Variants in PCP4 observed in about 807,000 individuals in gnomAD.
PCP4 encodes the protein calmodulin regulator protein PCP4.
In PCP4, 8 loss-of-function variants were observed where a neutral mutation model predicts 10.0. That is an observed-to-expected ratio of 0.80 (90% CI 0.47 to 1.45). PCP4 has a LOEUF of 1.45. PCP4 is among the 40% of genes most tolerant of loss of function. PCP4 has a pLI of 0.00. For synonymous variants in PCP4, 21 were observed against 23.0 expected, an observed-to-expected ratio of 0.91 and a Z score of 0.24; for missense variants, 54 against 74.4, an observed-to-expected ratio of 0.73 and a Z score of 1.01.
chr21:39,911,832 A>G (rs2087541467), intron 2 of PCP4, among the ~76,000 whole-genome samples: 1 of 152,252 alleles, frequency 6.6e-6, no homozygotes, highest in African/African-American at 2.4e-5. Flanking sequence ...AGAAGGAGAT[A>G]GGGTTTTAGA....
In PCP4 at chr21:39,870,910, C is replaced by T. The variant is rs186468343; in HGVS notation, c.9+3400C>T. 1.7e-3 allele frequency among the ~76,000 whole-genome samples: 257 copies of T among 152,288 alleles called. 2 individuals are homozygous for T. The highest frequency in any genetic ancestry group is 2.1e-3 in the Non-Finnish European group (141 of 68,020). ...GTACAAGGGCTGTGGCTCTTTCTTT[C>T]GTCTAGACATTGGCCGCAGGGCAAG... On this transcript the variant is annotated intron_variant, in intron 1 of 2. Coordinates refer to ENST00000328619, the MANE Select transcript of PCP4 (RefSeq NM_006198.3).
At chr21:39,892,352 T>G (rs1490238517) in intron 1 of PCP4, among the ~76,000 whole-genome samples, 1 of 152,252 alleles carries the variant, frequency 6.6e-6, no homozygotes, top group Admixed American at 6.5e-5. Context: ...TAATTTGTAT[T>G]ATGACTATCC....
rs1375345277 is a variant in PCP4, at chr21:39,906,029, G to A, written c.61+7502G>A. On this transcript the variant is annotated intron_variant, in intron 2 of 2. Transcript: ENST00000328619. The surrounding 1 kb of genome is among the most constrained non-coding windows in gnomAD (Gnocchi z 6.3). Reference sequence around the variant, plus strand: ...CATGCCACTGCACTCCAACCTGGGTGACAGAGCGAGACTCCGTCTCAAAAT... The same window carrying A: ...CATGCCACTGCACTCCAACCTGGGTAACAGAGCGAGACTCCGTCTCAAAAT... Among the ~76,000 whole-genome samples the A allele has an allele frequency of 1.3e-5, 2 of 152,202 alleles. No homozygotes were observed. The highest frequency in any genetic ancestry group is 2.9e-5 in the Non-Finnish European group (2 of 68,046).
intron 1 of PCP4, among the ~76,000 whole-genome samples, chr21:39,875,453 C>T (rs1371992766): frequency 6.6e-6 from 1 of 152,170 alleles, no homozygotes; most frequent in Non-Finnish European, 1.5e-5. Context: ...CCTTCCTTTA[C>T]AGATCATAAC....
intron 1 of PCP4, among the ~76,000 whole-genome samples, chr21:39,868,366 T>C (rs561744464): frequency 6.6e-6 from 1 of 152,350 alleles, no homozygotes; most frequent in East Asian, 1.9e-4. Flanking sequence ...GATGATTCTT[T>C]TCTTGGAAGT....
chr21:39,907,307 G>A (rs2087516650), intron 2 of PCP4, among the ~76,000 whole-genome samples: 1 of 152,020 alleles, frequency 6.6e-6, no homozygotes, highest in African/African-American at 2.4e-5. Context: ...ACATGCTTCG[G>A]ACCCCGGGCA....
chr21:39,887,293 T>C (rs1235881104), intron 1 of PCP4, among the ~76,000 whole-genome samples: 1 of 152,058 alleles, frequency 6.6e-6, no homozygotes, highest in African/African-American at 2.4e-5. Context: ...ATTAGAAAGG[T>C]TAATGCCTTT....
intron 1 of PCP4, among the ~76,000 whole-genome samples, chr21:39,897,088 C>T (rs1265363344): frequency 4.6e-5 from 7 of 152,064 alleles, no homozygotes; most frequent in Non-Finnish European, 1.0e-4. Flanking sequence ...TCATTTTCTT[C>T]ATCTGAAAGT....
chr21:39,910,357 A>T (rs1170341391), intron 2 of PCP4, among the ~76,000 whole-genome samples: 2 of 152,014 alleles, frequency 1.3e-5, no homozygotes, highest in African/African-American at 4.8e-5. Context: ...TGGGACCATG[A>T]TCCTCCTCTC....
chr21:39,886,620 G>T (rs1187455446), intron 1 of PCP4, among the ~76,000 whole-genome samples: 5 of 152,058 alleles, frequency 3.3e-5, no homozygotes, highest in Non-Finnish European at 5.9e-5. Flanking sequence ...ATAAACAAGT[G>T]ACAAGTATGA....
At chr21:39,870,305 A>G (rs2087313655) in intron 1 of PCP4, among the ~76,000 whole-genome samples, 1 of 152,220 alleles carries the variant, frequency 6.6e-6, no homozygotes, top group Non-Finnish European at 1.5e-5. Context: ...AATGTGAGAG[A>G]GAGGAGGTGG....
chr21:39,904,051 CAT>C (rs1310599762), intron 2 of PCP4, among the ~76,000 whole-genome samples: 21 of 152,238 alleles, frequency 1.4e-4, no homozygotes, highest in African/African-American at 4.1e-4. Context: ...AACACACACA[CAT>C]GTACACACAC....
At chr21:39,896,488 A>G (rs573582916) in intron 1 of PCP4, among the ~76,000 whole-genome samples, 1 of 152,338 alleles carries the variant, frequency 6.6e-6, no homozygotes, top group African/African-American at 2.4e-5. Flanking sequence ...AAGGACAGAC[A>G]AAAAGAAGCA....
intron 2 of PCP4, chr21:39,916,294 A>G (rs1047218385): frequency 6.6e-6 from 1 of 152,206 alleles, no homozygotes; most frequent in Non-Finnish European, 1.5e-5. Flanking sequence ...AAATCTTGCA[A>G]TCTGATCTCT....
At chr21:39,916,173 G>A (rs1165093493) in intron 2 of PCP4, 1 of 152,190 alleles carries the variant, frequency 6.6e-6, no homozygotes, top group Non-Finnish European at 1.5e-5. Flanking sequence ...TGCTCAGAGA[G>A]AAGAAGGCAT....
intron 2 of PCP4, among the ~76,000 whole-genome samples, chr21:39,927,073 C>G (rs1052212920): frequency 5.9e-5 from 9 of 152,152 alleles, no homozygotes; most frequent in Admixed American, 5.9e-4. Flanking sequence ...ACAAGGCTTC[C>G]AAAGCCAGAG....
intron 1 of PCP4, among the ~76,000 whole-genome samples, chr21:39,897,407 T>C (rs531466347): frequency 7.3e-5 from 11 of 149,806 alleles, no homozygotes; most frequent in Non-Finnish European, 1.3e-4. Flanking sequence ...AAAAAAAAGT[T>C]AGAGACTTTA....
chr21:39,884,313 G>T (rs909910459), intron 1 of PCP4, among the ~76,000 whole-genome samples: 3 of 151,762 alleles, frequency 2.0e-5, no homozygotes, highest in Admixed American at 6.6e-5. Flanking sequence ...CCAAGTAGCT[G>T]GGATTACAGG....
At chr21:39,926,933 C>T (rs944049219) in intron 2 of PCP4, among the ~76,000 whole-genome samples, 7 of 152,142 alleles carry the variant, frequency 4.6e-5, no homozygotes, top group Admixed American at 6.5e-5. Context: ...AAGGAAGCAC[C>T]CCCATCCCCT....
Sources: gnomAD v4.1 joint callset for allele counts (sites outside exome capture counted in the v4.1 genomes callset) on GRCh38, gnomAD v4.1.1 for gene constraint, Gnocchi (gnomAD v3.1) non-coding constraint, MANE v1.5 for transcripts, NCBI Gene and HGNC (gene_info 2026-07-23, HGNC 2026-07-21) for gene names.